LRRC73: variants seen among roughly 807,000 people sequenced by gnomAD.
LRRC73 encodes the protein leucine rich repeat containing 73.
In LRRC73, 16 loss-of-function variants were observed where a neutral mutation model predicts 26.4. That is an observed-to-expected ratio of 0.61 (90% CI 0.41 to 0.92). LRRC73 has a LOEUF of 0.92. LRRC73 is among the 40% of genes least tolerant of loss of function. The pLI, the probability that LRRC73 is intolerant of heterozygous loss-of-function variation, is 0.00. For synonymous variants in LRRC73, 210 were observed against 179.8 expected (o/e 1.17, Z -1.34); for missense variants, 344 against 416.3 (o/e 0.83, Z 1.51).
chr6:43,507,732 G>C, intron 4 of LRRC73, 54 bp from the exon 5 acceptor site: 1 of 1,590,288 alleles, frequency 6.3e-7, no homozygotes. Context: ...CAGGTCCTCA[G>C]ACCTCAACCT....
chr6:43,507,418 T>C, intron 5 of LRRC73, 38 bp downstream of exon 5: 1 of 1,611,288 alleles, frequency 6.2e-7, no homozygotes, highest in Non-Finnish European at 8.5e-7. Flanking sequence ...CCCGAGCCTC[T>C]TCCAGACCTG....
chr6:43,508,786 A>C, exon 2 of LRRC73: 2 of 1,612,294 alleles, frequency 1.2e-6, no homozygotes, highest in South Asian at 2.2e-5. Flanking sequence ...TGGGGGCAGG[A>C]GGCCACAGAT....
At chr6:43,510,158 G>A (rs1792621705) in exon 1 of LRRC73, 1 of 176,634 alleles carries the variant, frequency 5.7e-6, no homozygotes, top group Non-Finnish European at 1.2e-5. Context: ...CGCGGTCGCG[G>A]CGGCGGCGGC....
intron 5 of LRRC73, 63 bp downstream of exon 5, chr6:43,507,393 C>A: frequency 6.2e-7 from 1 of 1,607,900 alleles, no homozygotes; most frequent in Admixed American, 1.7e-5. Flanking sequence ...GTTCTGCACA[C>A]CCACTCTCCC....
In LRRC73 at chr6:43,509,782, G is replaced by A. The variant is rs1431704011; in HGVS notation, c.4C>T (p.Leu2=). The A allele has an allele frequency of 3.2e-6, 5 of 1,542,416 alleles. No homozygotes were observed. The South Asian group carries it at 3.6e-5, about 11-fold the overall frequency. Residue 2 remains leucine, a synonymous_variant, in exon 1 of 6, where the codon CTG becomes TTG. Transcript: ENST00000372441. Reference sequence around the variant, plus strand: ...CCCGAAATCTGGATGGAGCTGGGCAGCATCGTGCCCACGGCTGGGCCTCCG... The same window carrying A: ...CCCGAAATCTGGATGGAGCTGGGCAACATCGTGCCCACGGCTGGGCCTCCG...
chr6:43,508,835 G>A (rs753925867), exon 2 of LRRC73: 1 of 1,613,160 alleles, frequency 6.2e-7, no homozygotes, highest in Non-Finnish European at 8.5e-7. Flanking sequence ...CAGTCCCCCA[G>A]GTCCAGAGCC....
intron 1 of LRRC73, 105 bp downstream of exon 1, chr6:43,509,409 T>G: frequency 1.5e-6 from 2 of 1,350,754 alleles, no homozygotes; most frequent in Non-Finnish European, 2.0e-6. Context: ...ATAAGGCATG[T>G]GAAGGTAGGA....
chr6:43,509,925 TGGCGGAGGCTGCGGCTGC>T lies in LRRC73; in HGVS notation c.-158_-141del, dbSNP rs1379106969. The T allele has an allele frequency of 2.3e-4, 135 of 596,428 alleles. 3 individuals are homozygous for T. The East Asian group carries it at 2.3e-3, about 10-fold the overall frequency. The allele number at this position is 596,428 out of a possible 1,614,324, so 36.9% of individuals were successfully genotyped here. On this transcript the variant is annotated 5_prime_UTR_variant, in exon 1 of 6. Transcript: ENST00000372441. ...GGGCCGGGGGTGGAGGCGGCGGCTG[TGGCGGAGGCTGCGGCTGC>T]GGCGGAGGCTGCGGCGGGGGCGGAG...
In LRRC73 at chr6:43,508,937, G is replaced by GAT. The variant is rs1792584828; in HGVS notation, c.273-18_273-17insAT. 1 of 1,577,604 alleles carries GAT rather than the reference G, an allele frequency of 6.3e-7. No individual in the cohort carries two copies. Among genetic ancestry groups the GAT allele is most frequent in the Non-Finnish European group, 8.6e-7 (1 of 1,160,138 alleles). On this transcript the variant is annotated splice_polypyrimidine_tract_variant and intron_variant, in intron 1 of 5. Transcript: ENST00000372441. ...CCATGCAGGCTGGAGGAGAGTGAGA[G>GAT]AGCAGGGTTACTGCAGTCCTCCGCA...
exon 1 of LRRC73, chr6:43,509,925 T>A (rs985365720): frequency 1.7e-6 from 1 of 596,430 alleles, no homozygotes; most frequent in Non-Finnish European, 2.4e-6. Context: ...GCGGCGGCTG[T>A]GGCGGAGGCT....
intron 3 of LRRC73, 64 bp from the exon 4 acceptor site, chr6:43,507,990 C>T: frequency 7.1e-7 from 1 of 1,415,582 alleles, no homozygotes. Flanking sequence ...AGATAGCTTC[C>T]CCATTGCCTT....
At chr6:43,509,522 C>T (rs1405801379) in exon 1 of LRRC73, 7 of 1,607,472 alleles carry the variant, frequency 4.4e-6, no homozygotes, top group Non-Finnish European at 5.9e-6. Context: ...ACAAGAGGGA[C>T]TGGATGGAGC....
chr6:43,509,349 T>C (rs1194568372), intron 1 of LRRC73, among the ~76,000 whole-genome samples, 165 bp downstream of exon 1: 1 of 152,126 alleles, frequency 6.6e-6, no homozygotes, highest in East Asian at 1.9e-4. Flanking sequence ...AGTCCAAGCA[T>C]GTGCTTGGAG....
exon 1 of LRRC73, chr6:43,509,908 G>A: frequency 1.3e-6 from 1 of 788,626 alleles, no homozygotes; most frequent in Non-Finnish European, 1.7e-6. Context: ...TGGGGCCGGG[G>A]GTGGAGGCGG....
At chr6:43,508,121 A>C (rs1561849733) in intron 3 of LRRC73, among the ~76,000 whole-genome samples, 177 bp downstream of exon 3, 3 of 152,150 alleles carry the variant, frequency 2.0e-5, no homozygotes, top group Non-Finnish European at 4.4e-5. Flanking sequence ...GTGGTGACTG[A>C]TGTTTTGATC....
At chr6:43,508,504 G>A in intron 2 of LRRC73, 84 bp from the exon 3 acceptor site, 1 of 1,588,912 alleles carries the variant, frequency 6.3e-7, no homozygotes, top group Non-Finnish European at 8.6e-7. Flanking sequence ...TGTCTCTGGG[G>A]TGTCCCTAGT....
chr6:43,508,188 C>T (rs1042202701), intron 3 of LRRC73, 110 bp downstream of exon 3: 31 of 1,444,998 alleles, frequency 2.1e-5, no homozygotes, highest in East Asian at 4.8e-5. Flanking sequence ...TGGGGGCTCC[C>T]GTTTCTCTTC....
intron 4 of LRRC73, 22 bp downstream of exon 4, chr6:43,507,804 C>A: frequency 6.2e-7 from 1 of 1,611,088 alleles, no homozygotes; most frequent in Non-Finnish European, 8.5e-7. Flanking sequence ...CCTGGCCGTG[C>A]CCAAACATGA....
exon 1 of LRRC73, chr6:43,509,913 A>AGGC: frequency 5.5e-6 from 4 of 728,792 alleles, no homozygotes; most frequent in Non-Finnish European, 7.6e-6. Flanking sequence ...CCGGGGGTGG[A>AGGC]GGCGGCGGCT....
Sources: allele counts gnomAD v4.1 joint callset (sites outside exome capture counted in the v4.1 genomes callset), GRCh38; gene constraint gnomAD v4.1.1; transcripts MANE v1.5; gene names NCBI Gene and HGNC (gene_info 2026-07-23, HGNC 2026-07-21).